Variants in AMOTL2 observed in about 807,000 individuals in gnomAD.
The protein encoded by AMOTL2 is angiomotin like 2.
Under a neutral mutation model 78.4 loss-of-function variants are expected in AMOTL2, and 33 were observed. That is an observed-to-expected ratio of 0.42 (90% CI 0.32 to 0.56). AMOTL2 has a LOEUF of 0.56. AMOTL2 is among the 20% of genes least tolerant of loss of function. AMOTL2 has a pLI of 0.12. For missense variants in AMOTL2, 983 were observed against 1,030.1 expected, an observed-to-expected ratio of 0.95 and a Z score of 0.63; for synonymous variants, 422 against 428.8, an observed-to-expected ratio of 0.98 and a Z score of 0.20.
At chr3:134,373,718 G>A (rs2017971797) in intron 1 of AMOTL2, 1 of 985,428 alleles carries the variant, frequency 1.0e-6, no homozygotes, top group African/African-American at 1.7e-5. Context: ...TACGCCTGGG[G>A]CGAGCCGGTG....
chr3:134,367,543 T>C lies in AMOTL2; in HGVS notation c.995A>G (p.Gln332Arg), dbSNP rs2017664650. The C allele has an allele frequency of 3.1e-6, 5 of 1,613,042 alleles. No individual in the cohort carries two copies. The highest frequency in any genetic ancestry group is 3.4e-6 in the Non-Finnish European group (4 of 1,180,046). Residue 332 changes from glutamine to arginine, a missense_variant, in exon 3 of 10, where the codon CAG (glutamine) becomes CGG (arginine). Transcript: ENST00000249883. Reference sequence around the variant, plus strand: ...CTCCGCAGAGCTCTCCAGCTCCCTCTGCAGCCGCTCATTGTCTCTCTGCAG... The same window carrying C: ...CTCCGCAGAGCTCTCCAGCTCCCTCCGCAGCCGCTCATTGTCTCTCTGCAG... ...ARLQRDNERLQRELESSAEKA... is the reference protein window; with the variant it reads ...ARLQRDNERLRRELESSAEKA...
At chr3:134,363,481 A>G (rs1224998343) in intron 5 of AMOTL2, among the ~76,000 whole-genome samples, 1 of 152,152 alleles carries the variant, frequency 6.6e-6, no homozygotes, top group South Asian at 2.1e-4. Flanking sequence ...ATCTCATTTC[A>G]GCCTTAGCAT....
chr3:134,367,578 C>A lies in AMOTL2; in HGVS notation c.960G>T (p.Glu320Asp). The A allele has an allele frequency of 6.2e-7, 1 of 1,613,554 alleles. No homozygotes were observed. The highest frequency in any genetic ancestry group is 8.5e-7 in the Non-Finnish European group (1 of 1,180,052). The change falls in exon 3 of 10, where the codon GAG becomes GAT. Residue 320 changes from glutamate to aspartate, a missense_variant. By Grantham distance (45) the Glu-to-Asp change is conservative. Transcript: ENST00000249883. ...CATTGTCTCTCTGCAGCCTGGCATT[C>A]TCCCTCAGCACGGCCTCCATCTGGG... ...HLAQMEAVLR[E>D]NARLQRDNER... is the part of the protein sequence containing the mutation.
rs140871979 is a variant in AMOTL2 at position 134,360,186 on chromosome 3, A to C, written c.1803T>G (p.His601Gln). 159 of 1,614,092 alleles carry C rather than the reference A, an allele frequency of 9.9e-5. 2 individuals are homozygous for C. The East Asian group carries it at 3.3e-3, about 34-fold the overall frequency. Residue 601 changes from histidine (H) to glutamine (Q), a missense_variant, in exon 7 of 10, where the codon CAT becomes CAG. Physicochemically the swap from His to Gln is conservative, Grantham distance 24 (BLOSUM62 0). Transcript: ENST00000249883. ...AAQRDTTLIRHSPQPSPSSSF... is the reference protein window; with the variant it reads ...AAQRDTTLIRQSPQPSPSSSF... ...TGCTGCTGGGTGAGGGCTGGGGGGA[A>C]TGTCGGATGAGAGTGGTGTCACGCT...
At position 134,365,806 on chromosome 3, in the gene AMOTL2, C is replaced by A. The variant is rs1319918429; in HGVS notation, c.1279+11G>T. 2 of 1,613,072 alleles carry A rather than the reference C, an allele frequency of 1.2e-6. No homozygotes were observed. The highest frequency in any genetic ancestry group is 2.7e-5 in the African/African-American group (2 of 74,946). The stretch of plus-strand genomic sequence containing the variant: ...ACACAGGCCAGGCTTCTTAGTGGGG[C>A]CCCTACTCACTCTGAGCAAGCAGCT... On this transcript the variant is annotated intron_variant, in intron 5 of 9. Transcript: ENST00000249883.
rs949173320 is a variant in AMOTL2, at chr3:134,366,315, C to A, written c.1154G>T (p.Arg385Met). Reference sequence around the variant, plus strand: ...ATCCCGGTTGAAGTCTTGCAGCCTCCTCATTTCACTGTCCATCTTGTTCCG... The same window carrying A: ...ATCCCGGTTGAAGTCTTGCAGCCTCATCATTTCACTGTCCATCTTGTTCCG... ...TMRNKMDSEM[R>M]RLQDFNRDLR... The change falls in exon 4 of 10, where the codon AGG becomes ATG. Residue 385 changes from arginine (R) to methionine (M), a missense_variant. Transcript: ENST00000249883. 2.5e-6 allele frequency: 4 copies of A among 1,614,078 alleles called. No individual in the cohort carries two copies. Among genetic ancestry groups the A allele is most frequent in the Admixed American group, 3.3e-5 (2 of 60,006 alleles).
At position 134,357,473 on chromosome 3, in the gene AMOTL2, C is replaced by A; in HGVS notation, c.*232G>T. ...CTGAATCCTCATTCTCCATAAGGCC[C>A]GGAGGAATGTGGGCTAAGAAGCAGA... On this transcript the variant is annotated 3_prime_UTR_variant, in exon 10 of 10. Transcript: ENST00000249883. 1 of 559,766 alleles carries A rather than the reference C, an allele frequency of 1.8e-6. No homozygotes were observed. Among genetic ancestry groups the A allele is most frequent in the East Asian group, 2.9e-5 (1 of 34,094 alleles). The allele number at this position is 559,766 out of a possible 1,614,324, so 34.7% of individuals were successfully genotyped here.
rs1476914968 is a variant in AMOTL2 at position 134,360,877 on chromosome 3, T to C, written c.1576-464A>G. ...TTCCTCCCAATCTTGGGGAGGCATA[T>C]AAAAGCTGGCTGGTGGCCAGACGCA... On this transcript the variant is annotated intron_variant, in intron 6 of 9. Coordinates refer to ENST00000249883, the MANE Select transcript of AMOTL2 (RefSeq NM_016201.4). Among the ~76,000 whole-genome samples the C allele has an allele frequency of 3.3e-5, 5 of 152,316 alleles. No individual in the cohort carries two copies. The East Asian group carries it at 7.7e-4, about 24-fold the overall frequency.
At chr3:134,364,591 C>G (rs1417261092) in intron 5 of AMOTL2, among the ~76,000 whole-genome samples, 5 of 152,096 alleles carry the variant, frequency 3.3e-5, no homozygotes, top group Non-Finnish European at 2.9e-5. Flanking sequence ...TGCCATCTCA[C>G]CCCACCCAGC....
upstream of AMOTL2, chr3:134,375,118 C>A: frequency 1.4e-5 from 21 of 1,517,640 alleles, no homozygotes; most frequent in Non-Finnish European, 1.8e-5. Context: ...CCTTCGCCAG[C>A]TATTTTACGA....
rs1452558923 is a variant in AMOTL2, at chr3:134,366,418, C to T, written c.1051G>A (p.Glu351Lys). ...TGGGCCTCAGAGAGCCGCTGGATTT[C>T]GCTTTCCAGCTGCAAGAGTCAGACA... is the stretch of plus-strand genomic sequence containing the variant. ...KAGRIEKLES[E>K]IQRLSEAHES... Residue 351 changes from glutamate to lysine, a missense_variant, in exon 4 of 10, where the codon GAA becomes AAA. Physicochemically the swap from Glu to Lys is moderately conservative, Grantham distance 56. Transcript: ENST00000249883. 10 of 1,612,254 alleles carry T rather than the reference C, an allele frequency of 6.2e-6. No individual in the cohort carries two copies. The highest frequency in any genetic ancestry group is 2.7e-5 in the African/African-American group (2 of 74,842).
intron 6 of AMOTL2, 132 bp downstream of exon 6, chr3:134,361,380 C>A: frequency 1.8e-6 from 2 of 1,084,598 alleles, no homozygotes; most frequent in Non-Finnish European, 2.6e-6. Context: ...CGCCTTCCAA[C>A]GGGCCTGCAG....
upstream of AMOTL2, chr3:134,374,448 G>A: frequency 2.0e-6 from 2 of 985,410 alleles, no homozygotes; most frequent in Non-Finnish European, 2.4e-6. Context: ...CCGACGCTCT[G>A]GCTGTTCGCG....
rs986458425 is a variant in AMOTL2, at chr3:134,372,481, G to A, written c.-61-987C>T. ...GACAGTAACTGCAAGAGAGCTCCAGGAAAAAGGAAGGATGGCATGATGTCT... is the reference window on the plus strand; with the variant it reads ...GACAGTAACTGCAAGAGAGCTCCAGAAAAAAGGAAGGATGGCATGATGTCT... On this transcript the variant is annotated intron_variant, in intron 1 of 9. Coordinates refer to ENST00000249883, the MANE Select transcript of AMOTL2 (RefSeq NM_016201.4). Among the ~76,000 whole-genome samples, 21 of 150,866 alleles carry A rather than the reference G, an allele frequency of 1.4e-4. 1 individual carries two copies. The highest frequency in any genetic ancestry group is 3.1e-4 in the Non-Finnish European group (21 of 67,834).
At chr3:134,374,244 T>A in intron 1 of AMOTL2, 98 bp downstream of exon 1, 3 of 985,404 alleles carry the variant, frequency 3.0e-6, no homozygotes, top group Non-Finnish European at 3.6e-6. Context: ...AGGCTCCGAC[T>A]CCCGGAAAAG....
chr3:134,357,859 C>A, intron 9 of AMOTL2, 96 bp from the exon 10 acceptor site: 3 of 1,298,276 alleles, frequency 2.3e-6, no homozygotes, highest in Non-Finnish European at 3.3e-6. Flanking sequence ...CGTTCTTCAC[C>A]AACTTTTCCC....
At chr3:134,363,996 G>C (rs2017487062) in intron 5 of AMOTL2, among the ~76,000 whole-genome samples, 1 of 152,198 alleles carries the variant, frequency 6.6e-6, no homozygotes, top group African/African-American at 2.4e-5. Context: ...GAGCTCCTTA[G>C]TAAGAAATAA....
intron 5 of AMOTL2, among the ~76,000 whole-genome samples, 196 bp downstream of exon 5, chr3:134,365,621 G>T (rs974847305): frequency 1.3e-5 from 2 of 152,370 alleles, no homozygotes; most frequent in South Asian, 4.1e-4. Flanking sequence ...TACAGAACTA[G>T]ATCCTATTCT....
chr3:134,369,999 T>C (rs2017781214), intron 2 of AMOTL2, among the ~76,000 whole-genome samples: 1 of 152,088 alleles, frequency 6.6e-6, no homozygotes, highest in Non-Finnish European at 1.5e-5. Flanking sequence ...TTAGAAAAGG[T>C]AAACCAAATC....
Sources: allele counts gnomAD v4.1 joint callset (sites outside exome capture counted in the v4.1 genomes callset), GRCh38; gene constraint gnomAD v4.1.1; transcripts MANE v1.5; gene names NCBI Gene and HGNC (gene_info 2026-07-23, HGNC 2026-07-21).